Variants in SIPA1L3 observed in about 807,000 individuals in gnomAD.
SIPA1L3 encodes signal induced proliferation associated 1 like 3.
In SIPA1L3, 59 loss-of-function variants were observed where a neutral mutation model predicts 150.1. That is an observed-to-expected ratio of 0.39 (90% CI 0.32 to 0.49). SIPA1L3 has a LOEUF of 0.49. SIPA1L3 is among the 20% of genes least tolerant of loss of function. The probability of loss-of-function intolerance (pLI) is 0.86; values close to 1 mark genes in which losing one functional copy is unlikely to be tolerated. For synonymous variants in SIPA1L3, 1,070 were observed against 1,077.6 expected, an observed-to-expected ratio of 0.99 and a Z score of 0.14; for missense variants, 2,211 against 2,489.5, an observed-to-expected ratio of 0.89 and a Z score of 2.38.
intron 1 of SIPA1L3, among the ~76,000 whole-genome samples, chr19:37,986,559 G>A (rs1005598755): frequency 3.9e-5 from 6 of 152,204 alleles, no homozygotes; most frequent in Admixed American, 2.6e-4. Context: ...GATGTTTGTC[G>A]CCAGCGTTGG....
chr19:38,162,644 C>G (rs1972120187), intron 14 of SIPA1L3, among the ~76,000 whole-genome samples: 1 of 152,326 alleles, frequency 6.6e-6, no homozygotes, highest in South Asian at 2.1e-4. Context: ...ACAGACAGCC[C>G]CGAATCTCAG....
chr19:37,985,410 T>C (rs59989479), intron 1 of SIPA1L3, among the ~76,000 whole-genome samples: 2,434 of 152,178 alleles, frequency 0.016, 65 homozygotes, highest in African/African-American at 0.052. Flanking sequence ...TGCCTCTAGT[T>C]CCAGCTACCG....
In SIPA1L3 at chr19:38,164,422, G is replaced by A. The variant is rs1243613438; in HGVS notation, c.3781-57G>A. The A allele has an allele frequency of 1.2e-5, 18 of 1,519,976 alleles. No individual in the cohort carries two copies. Among genetic ancestry groups the A allele is most frequent in the Non-Finnish European group, 1.5e-5 (17 of 1,117,114 alleles). 94.2% of individuals were successfully genotyped at this position (1,519,976 alleles called of 1,614,324 possible). ...CCCAGGCAGAGGGAGGACCCGGCAA[G>A]GGAAGATGCGCCCCTGCCCTGGAGT... is the stretch of plus-strand genomic sequence containing the variant. On this transcript the variant is annotated intron_variant, in intron 14 of 21. Coordinates refer to ENST00000222345, the MANE Select transcript of SIPA1L3 (RefSeq NM_015073.3). This position sits in a 1 kb window ranked among gnomAD's most constrained non-coding sequence, Gnocchi z 4.1.
chr19:38,022,839 G>A (rs918732314), intron 1 of SIPA1L3, among the ~76,000 whole-genome samples: 3 of 152,222 alleles, frequency 2.0e-5, no homozygotes, highest in Non-Finnish European at 4.4e-5. Context: ...CATGGGTCTG[G>A]GGGCTCAGCA....
intron 1 of SIPA1L3, among the ~76,000 whole-genome samples, chr19:37,943,948 A>G (rs1339144107): frequency 6.6e-6 from 1 of 152,084 alleles, no homozygotes; most frequent in East Asian, 1.9e-4. Flanking sequence ...AATGTACAGA[A>G]GCCACACGCT....
intron 2 of SIPA1L3, among the ~76,000 whole-genome samples, chr19:38,053,354 T>G (rs1220681105): frequency 6.6e-6 from 1 of 152,218 alleles, no homozygotes; most frequent in Non-Finnish European, 1.5e-5. Context: ...CTCATAATAA[T>G]CCTGTGAGGT....
chr19:38,027,256 C>T (rs1028399908), intron 1 of SIPA1L3, among the ~76,000 whole-genome samples: 1 of 152,128 alleles, frequency 6.6e-6, no homozygotes, highest in Non-Finnish European at 1.5e-5. Context: ...CCACTGTACT[C>T]CAGCCTGGGC....
intron 1 of SIPA1L3, among the ~76,000 whole-genome samples, chr19:37,913,151 T>TGA: frequency 6.6e-6 from 1 of 152,158 alleles, no homozygotes. Flanking sequence ...ATGATAGTAG[T>TGA]CTTTACCTCG....
In SIPA1L3 at chr19:38,170,343, C is replaced by T. The variant is rs547203550; in HGVS notation, c.4208+5437C>T. 1.4e-4 allele frequency among the ~76,000 whole-genome samples: 22 copies of T among 152,346 alleles called. No individual in the cohort carries two copies. The South Asian group carries it at 2.1e-3, about 14-fold the overall frequency. ...CCAGACCTTGGTTCAAGTGGCCACA[C>T]GTGCCTCTGCCTCCCATGGCGGCCA... On this transcript the variant is annotated intron_variant, in intron 15 of 21. Transcript: ENST00000222345.
At chr19:38,017,301 T>C (rs367770480) in intron 1 of SIPA1L3, among the ~76,000 whole-genome samples, 3 of 152,186 alleles carry the variant, frequency 2.0e-5, no homozygotes, top group Admixed American at 6.5e-5. Flanking sequence ...GTTCTTGATA[T>C]TGTGTCTTAC....
intron 1 of SIPA1L3, among the ~76,000 whole-genome samples, chr19:38,010,035 C>T (rs1968059479): frequency 6.6e-6 from 1 of 152,122 alleles, no homozygotes; most frequent in East Asian, 1.9e-4. Flanking sequence ...CTCCCTATCT[C>T]TCTTAATTAT....
At chr19:38,064,908 G>A (rs1969537907) in intron 2 of SIPA1L3, among the ~76,000 whole-genome samples, 1 of 152,192 alleles carries the variant, frequency 6.6e-6, no homozygotes, top group South Asian at 2.1e-4. Flanking sequence ...GCTGGGAATT[G>A]AACCAAGATA....
rs2046590578 is a variant in SIPA1L3, at chr19:37,935,278, G to T, written c.-379+27920G>T. Reference sequence around the variant, plus strand: ...TACTTATTATGAAATAAGAGTGAAAGGACAGTTCATGTTTTTTCATATTAA... The same window carrying T: ...TACTTATTATGAAATAAGAGTGAAATGACAGTTCATGTTTTTTCATATTAA... On this transcript the variant is annotated intron_variant, in intron 1 of 21. Transcript: ENST00000222345. Among the ~76,000 whole-genome samples the T allele has an allele frequency of 2.6e-5, 4 of 152,134 alleles. No individual in the cohort carries two copies. The South Asian group carries it at 8.3e-4, about 32-fold the overall frequency.
At position 38,100,045 on chromosome 19, in the gene SIPA1L3, G is replaced by A; in HGVS notation, c.1749G>A (p.Lys583=). 1.2e-6 allele frequency: 2 copies of A among 1,612,712 alleles called. No individual in the cohort carries two copies. The highest frequency in any genetic ancestry group is 1.7e-6 in the Non-Finnish European group (2 of 1,179,510). The change falls in exon 5 of 22, where the codon AAG becomes AAA. Residue 583 remains lysine, a synonymous_variant. Coordinates refer to ENST00000222345, the MANE Select transcript of SIPA1L3 (RefSeq NM_015073.3). ...KHGTGRGLPL[K]DALEYVIPEL... ...GGACCGGGCGGGGCCTGCCCTTGAA[G>A]GATGCCCTGGAGTATGTCATCCCCG...
At position 38,206,474 on chromosome 19, in the gene SIPA1L3, T is replaced by A; in HGVS notation, c.*234T>A. ...CAGGCCTCCCTCCAAGCTGCCCAGC[T>A]GTGGTCCCGGTGAGCTGGGCTGTGC... is the stretch of plus-strand genomic sequence containing the variant. On this transcript the variant is annotated 3_prime_UTR_variant, in exon 22 of 22. Transcript: ENST00000222345. The A allele has an allele frequency of 2.0e-6, 1 of 497,800 alleles. No individual in the cohort carries two copies. Among genetic ancestry groups the A allele is most frequent in the Non-Finnish European group, 3.5e-6 (1 of 285,298 alleles). The allele number at this position is 497,800 out of a possible 1,614,324, so 30.8% of individuals were successfully genotyped here.
Position 38,130,539 on chromosome 19 carries a change from G to A in SIPA1L3, c.2910G>A (p.Arg970=). ...GGGAGACGGTGGACATGACGCTTCG[G>A]CGGAACGGGCTCGGGCAGCTGGGCT... ...SGWETVDMTL[R]RNGLGQLGFH... is the part of the protein sequence containing the mutation. Residue 970 remains arginine, a synonymous_variant, in exon 10 of 22, where the codon CGG becomes CGA. Coordinates refer to ENST00000222345, the MANE Select transcript of SIPA1L3 (RefSeq NM_015073.3). 6.2e-7 allele frequency: 1 copy of A among 1,613,510 alleles called. No homozygotes were observed. Among genetic ancestry groups the A allele is most frequent in the Admixed American group, 1.7e-5 (1 of 60,022 alleles).
chr19:38,193,661 C>A lies in SIPA1L3; in HGVS notation c.4721C>A (p.Thr1574Asn). Residue 1574 changes from threonine to asparagine, a missense_variant, in exon 18 of 22, where the codon ACC (threonine) becomes AAC (asparagine). Physicochemically the swap from Thr to Asn is moderately conservative, Grantham distance 65 (BLOSUM62 0). Around this residue, in one of 5 missense-constraint regions of SIPA1L3, gnomAD observed 806 missense variants for 870.1 expected, o/e 0.93. Coordinates refer to ENST00000222345, the MANE Select transcript of SIPA1L3 (RefSeq NM_015073.3). Reference sequence around the variant, plus strand: ...GGGCTGCCCAGCGACGTGCTCTTCACCAGCACCTGCGCCTTCCCGTCCAGC... The same window carrying A: ...GGGCTGCCCAGCGACGTGCTCTTCAACAGCACCTGCGCCTTCCCGTCCAGC... The part of the protein sequence containing the change: ...EPGLPSDVLF[T>N]STCAFPSSTL... The A allele has an allele frequency of 6.3e-7, 1 of 1,581,472 alleles. No homozygotes were observed. The highest frequency in any genetic ancestry group is 1.3e-5 in the African/African-American group (1 of 74,074).
intron 1 of SIPA1L3, among the ~76,000 whole-genome samples, chr19:38,000,262 T>A (rs1967750260): frequency 6.6e-6 from 1 of 151,068 alleles, no homozygotes; most frequent in South Asian, 2.1e-4. Flanking sequence ...AGGTCAGGAG[T>A]TTGACACCAG....
At chr19:38,171,933 A>G (rs917393241) in intron 15 of SIPA1L3, among the ~76,000 whole-genome samples, 10 of 152,074 alleles carry the variant, frequency 6.6e-5, no homozygotes, top group Admixed American at 1.3e-4. Flanking sequence ...AGGGCAGCCA[A>G]TGGGAGGTTG....
Sources: allele counts gnomAD v4.1 joint callset (sites outside exome capture counted in the v4.1 genomes callset), GRCh38; gene constraint gnomAD v4.1.1; regional missense constraint gnomAD v4.1.1; non-coding constraint Gnocchi (gnomAD v3.1); transcripts MANE v1.5; gene names NCBI Gene and HGNC (gene_info 2026-07-23, HGNC 2026-07-21).